PLCB1: variants seen among roughly 807,000 people sequenced by gnomAD.
The protein encoded by PLCB1 is phospholipase C beta 1, also known as 1-phosphatidylinositol 4,5-bisphosphate phosphodiesterase beta-1.
Under a neutral mutation model 161.8 loss-of-function variants are expected in PLCB1, and 46 were observed. The ratio of observed to expected loss-of-function variants is 0.28; its 90% CI spans 0.22 to 0.36. PLCB1 has a LOEUF of 0.36. Ranked by LOEUF, PLCB1 falls within the 10% of genes least tolerant of loss-of-function variation. The probability of loss-of-function intolerance (pLI) is 1.00; values close to 1 mark genes in which losing one functional copy is unlikely to be tolerated. For synonymous variants in PLCB1, 517 were observed against 503.7 expected, an observed-to-expected ratio of 1.03 and a Z score of -0.35; for missense variants, 1,016 against 1,472.5, an observed-to-expected ratio of 0.69 and a Z score of 5.07.
At chr20:8,681,086 G>GTGTGTGTGTATATATA (rs1394518085) in intron 9 of PLCB1, among the ~76,000 whole-genome samples, 2 of 73,844 alleles carry the variant, frequency 2.7e-5, no homozygotes, top group African/African-American at 5.5e-5. Context: ...ATGTGTGTGT[G>GTGTGTGTGTATATATA]TATATATATA....
At chr20:8,589,813 C>A (rs921184919) in intron 3 of PLCB1, among the ~76,000 whole-genome samples, 5 of 151,586 alleles carry the variant, frequency 3.3e-5, no homozygotes, top group Non-Finnish European at 7.4e-5. Context: ...GATGAGAAGT[C>A]TCATTATGTT....
chr20:8,787,568 G>C (rs1243909781), intron 27 of PLCB1, among the ~76,000 whole-genome samples: 2 of 152,208 alleles, frequency 1.3e-5, no homozygotes, highest in African/African-American at 2.4e-5. Flanking sequence ...CCAGTAAGAA[G>C]GGTTGAGTCC....
intron 2 of PLCB1, among the ~76,000 whole-genome samples, chr20:8,162,880 CA>C (rs1367035094): frequency 1.3e-5 from 2 of 152,186 alleles, no homozygotes; most frequent in Non-Finnish European, 2.9e-5. Context: ...ACAGAAGTTT[CA>C]GCGTTATATT....
At chr20:8,651,596 A>G (rs891259406) in intron 7 of PLCB1, 1 of 687,896 alleles carries the variant, frequency 1.5e-6, no homozygotes. Context: ...ACTTCAACAA[A>G]TATTTCTTGA....
In PLCB1 at chr20:8,141,777, T is replaced by A. The variant is rs183914783; in HGVS notation, c.100-8517T>A. The A allele has an allele frequency of 1.6e-3, 245 of 152,472 alleles. 4 individuals carry two copies. The highest frequency in any genetic ancestry group is 9.3e-4 in the Non-Finnish European group (63 of 68,036). 9.4% of individuals were successfully genotyped at this position (152,472 alleles called of 1,614,324 possible). A position where few individuals can be genotyped will look rare whatever the true frequency, so the allele number is the denominator to read the frequency against. On this transcript the variant is annotated intron_variant, in intron 1 of 31. Transcript: ENST00000338037. ...TTTTTCATTGTCGAGTAAGTGACAT[T>A]TCTGCATTCAGCAAGACTCTTTATA... is the stretch of plus-strand genomic sequence containing the variant.
intron 2 of PLCB1, among the ~76,000 whole-genome samples, chr20:8,182,574 C>CT (rs1293293143): frequency 1.5e-5 from 2 of 137,338 alleles, no homozygotes; most frequent in Admixed American, 7.0e-5. Flanking sequence ...AGTTGATTAT[C>CT]TTTTTTTTCT....
intron 2 of PLCB1, among the ~76,000 whole-genome samples, chr20:8,183,037 C>T (rs548429049): frequency 6.6e-6 from 1 of 152,264 alleles, no homozygotes; most frequent in South Asian, 2.1e-4. Context: ...CTGAGCTGGG[C>T]CCAGATCAGC....
intron 2 of PLCB1, among the ~76,000 whole-genome samples, chr20:8,178,441 C>A (rs2051805520): frequency 6.6e-6 from 1 of 152,096 alleles, no homozygotes; most frequent in Non-Finnish European, 1.5e-5. Flanking sequence ...ATGTATTTGT[C>A]TTCTGTTGAA....
intron 2 of PLCB1, among the ~76,000 whole-genome samples, chr20:8,206,983 G>GAAAAC (rs1978569409): frequency 7.0e-6 from 1 of 143,590 alleles, no homozygotes; most frequent in Non-Finnish European, 1.5e-5. Context: ...AATACAAGGA[G>GAAAAC]AATAAAAATT....
At chr20:8,544,034 AAG>A (rs745877194) in intron 3 of PLCB1, among the ~76,000 whole-genome samples, 5 of 152,170 alleles carry the variant, frequency 3.3e-5, no homozygotes, top group Non-Finnish European at 5.9e-5. Context: ...AATTGTGTAA[AAG>A]AAATAAGCAG....
chr20:8,825,342 A>G (rs1246612203), intron 31 of PLCB1, among the ~76,000 whole-genome samples: 1 of 152,254 alleles, frequency 6.6e-6, no homozygotes, highest in African/African-American at 2.4e-5. Context: ...ATCGAAGATC[A>G]GGCAGAACAT....
intron 2 of PLCB1, among the ~76,000 whole-genome samples, chr20:8,260,828 C>T (rs1352030956): frequency 6.6e-6 from 1 of 152,108 alleles, no homozygotes; most frequent in Non-Finnish European, 1.5e-5. Context: ...GCTGCGGGTA[C>T]CAGTTACTAG....
Position 8,390,068 on chromosome 20 carries a change from A to G in PLCB1, c.246+18618A>G, listed in dbSNP as rs1462340257. 3.9e-5 allele frequency among the ~76,000 whole-genome samples: 6 copies of G among 152,314 alleles called. No individual in the cohort carries two copies. The South Asian group carries it at 1.2e-3, about 32-fold the overall frequency. ...AGTCAAGTTTTCCTTAAACTTGACC[A>G]CTATACTTAATGTAGAGAAGTACAC... On this transcript the variant is annotated intron_variant, in intron 3 of 31. Coordinates refer to ENST00000338037, the MANE Select transcript of PLCB1 (RefSeq NM_015192.4).
intron 2 of PLCB1, among the ~76,000 whole-genome samples, chr20:8,185,184 A>G (rs114186256): frequency 2.6e-3 from 403 of 152,254 alleles, no homozygotes; most frequent in African/African-American, 9.1e-3. Flanking sequence ...GGAGGAGTGT[A>G]GTTTAGTGAT....
At chr20:8,584,218 T>C (rs1986917559) in intron 3 of PLCB1, among the ~76,000 whole-genome samples, 1 of 152,092 alleles carries the variant, frequency 6.6e-6, no homozygotes, top group Non-Finnish European at 1.5e-5. Context: ...TTTGATCATA[T>C]TCAAAATGTA....
intron 4 of PLCB1, among the ~76,000 whole-genome samples, chr20:8,642,727 G>T (rs1363726590): frequency 6.6e-6 from 1 of 152,112 alleles, no homozygotes; most frequent in African/African-American, 2.4e-5. Flanking sequence ...GAAACACAGA[G>T]AATTTTTAGG....
At chr20:8,307,247 AG>A (rs2123330480) in intron 2 of PLCB1, among the ~76,000 whole-genome samples, 1 of 152,262 alleles carries the variant, frequency 6.6e-6, no homozygotes, top group East Asian at 1.9e-4. Context: ...GGGCATTCTG[AG>A]GGGTCAGTTG....
intron 31 of PLCB1, 70 bp from the exon 32 acceptor site, chr20:8,881,552 A>T: frequency 9.0e-7 from 1 of 1,113,316 alleles, no homozygotes; most frequent in South Asian, 1.3e-5. Flanking sequence ...TCTCTTTCAG[A>T]GAGTTTCTAT....
At chr20:8,285,280 A>G (rs1338756225) in intron 2 of PLCB1, among the ~76,000 whole-genome samples, 1 of 148,896 alleles carries the variant, frequency 6.7e-6, no homozygotes, top group Non-Finnish European at 1.5e-5. Flanking sequence ...ATTTCTAAAT[A>G]TATATATTTA....
Sources: allele counts gnomAD v4.1 joint callset (sites outside exome capture counted in the v4.1 genomes callset), GRCh38; gene constraint gnomAD v4.1.1; transcripts MANE v1.5; gene names NCBI Gene and HGNC (gene_info 2026-07-23, HGNC 2026-07-21).